Variants in PTPN3 observed in about 807,000 individuals in gnomAD.
PTPN3 encodes the protein tyrosine-protein phosphatase non-receptor type 3.
In PTPN3, 96 loss-of-function variants were observed where a neutral mutation model predicts 132.7. That is an observed-to-expected ratio of 0.72 (90% CI 0.61 to 0.86). PTPN3 has a LOEUF of 0.86. PTPN3 is among the 40% of genes least tolerant of loss of function. PTPN3 has a pLI of 0.00. For missense variants in PTPN3, 1,125 were observed against 1,159.6 expected (o/e 0.97, Z 0.43); for synonymous variants, 398 against 429.0 (o/e 0.93, Z 0.89).
At chr9:109,460,945 C>A (rs141731044) in intron 2 of PTPN3, among the ~76,000 whole-genome samples, 358 of 152,302 alleles carry the variant, frequency 2.4e-3, no homozygotes, top group African/African-American at 8.1e-3. Flanking sequence ...TATATACTAA[C>A]AAACATTCAT....
chr9:109,391,553 G>C lies in PTPN3; in HGVS notation c.1962C>G (p.Tyr654Ter). ...TGATGGCCAAACCTGGCTTTTTTCT[G>C]TAGAGTTGCTATGTGAGAAATAGAG... ...GTVLIQFEQL[Y>*]RKKPGLAITF... The change falls in exon 20 of 26, where the codon TAC (tyrosine) becomes TAG (stop). Residue 654 changes from tyrosine to a stop codon, truncating the protein, a stop_gained. Transcript: ENST00000374541. LOFTEE classifies it high-confidence loss of function. 2 of 1,613,044 alleles carry C rather than the reference G, an allele frequency of 1.2e-6. No homozygotes were observed. Among genetic ancestry groups the C allele is most frequent in the Non-Finnish European group, 1.7e-6 (2 of 1,179,244 alleles).
intron 5 of PTPN3, chr9:109,450,990 T>TG: frequency 1.0e-6 from 1 of 982,522 alleles, no homozygotes; most frequent in East Asian, 1.1e-4. Context: ...AAGATAACTA[T>TG]GTTCCAGGAA....
At chr9:109,489,911 G>A (rs988075768) in intron 1 of PTPN3, among the ~76,000 whole-genome samples, 1 of 152,142 alleles carries the variant, frequency 6.6e-6, no homozygotes, top group South Asian at 2.1e-4. Context: ...GCCGGGTGGG[G>A]TGGCTCATGC....
intron 19 of PTPN3, among the ~76,000 whole-genome samples, chr9:109,403,357 G>T (rs1161621604): frequency 6.6e-6 from 1 of 152,034 alleles, no homozygotes; most frequent in East Asian, 1.9e-4. Context: ...CCTTTATGTG[G>T]TTTTCTAATA....
At chr9:109,380,079 G>T (rs1373858133) in intron 25 of PTPN3, among the ~76,000 whole-genome samples, 2 of 152,158 alleles carry the variant, frequency 1.3e-5, no homozygotes, top group East Asian at 3.8e-4. Context: ...TCTGGATTGT[G>T]TTTTACAAAG....
In PTPN3 at chr9:109,403,996, A is replaced by G. The variant is rs769474173; in HGVS notation, c.1953+452T>C. On this transcript the variant is annotated intron_variant, in intron 19 of 25. Coordinates refer to ENST00000374541, the MANE Select transcript of PTPN3 (RefSeq NM_002829.4). ...CACTAATTGCTCCAAATTCCAGCAC[A>G]TGGCTGGGGGTGGTCAGAGAGCTGG... 3.9e-5 allele frequency among the ~76,000 whole-genome samples: 6 copies of G among 152,182 alleles called. No homozygotes were observed. The South Asian group carries it at 8.3e-4, about 21-fold the overall frequency.
At chr9:109,415,577 G>T (rs1296929460) in intron 14 of PTPN3, among the ~76,000 whole-genome samples, 1 of 152,160 alleles carries the variant, frequency 6.6e-6, no homozygotes, top group Non-Finnish European at 1.5e-5. Context: ...TGGTGTGGAA[G>T]GAGGTGACAC....
At chr9:109,380,842 T>C (rs1839013455) in intron 25 of PTPN3, among the ~76,000 whole-genome samples, 1 of 152,154 alleles carries the variant, frequency 6.6e-6, no homozygotes, top group Admixed American at 6.5e-5. Context: ...TGGGGGTTTT[T>C]ACCAGAGAAG....
the PTPN3 span, among the ~76,000 whole-genome samples, chr9:109,517,457 C>T: frequency 6.6e-5 from 10 of 152,254 alleles, no homozygotes; most frequent in East Asian, 3.9e-4. Context: ...GATCCTCTAA[C>T]GGTACCCACT....
At chr9:109,445,322 C>A in intron 6 of PTPN3, 30 bp from the exon 7 acceptor site, 1 of 1,584,644 alleles carries the variant, frequency 6.3e-7, no homozygotes, top group South Asian at 1.1e-5. Flanking sequence ...TTAGCAAAGT[C>A]ACAAGAACCA....
intron 5 of PTPN3, chr9:109,449,515 G>A: frequency 5.1e-6 from 5 of 985,494 alleles, no homozygotes; most frequent in Non-Finnish European, 6.0e-6. Context: ...TGTTTTGTGG[G>A]CAAGTCGTGG....
At chr9:109,393,244 A>C (rs1840280141) in intron 19 of PTPN3, among the ~76,000 whole-genome samples, 1 of 152,106 alleles carries the variant, frequency 6.6e-6, no homozygotes, top group African/African-American at 2.4e-5. Flanking sequence ...ATGATCTTTA[A>C]TGGTTCAATA....
At chr9:109,507,903 C>T in the PTPN3 span, among the ~76,000 whole-genome samples, 22 of 152,182 alleles carry the variant, frequency 1.4e-4, no homozygotes, top group African/African-American at 4.3e-4. Flanking sequence ...TCTTGGGTGT[C>T]TCTCAGTTGG....
chr9:109,526,899 C>T, the PTPN3 span, among the ~76,000 whole-genome samples: 1 of 152,152 alleles, frequency 6.6e-6, no homozygotes, highest in Non-Finnish European at 1.5e-5. Context: ...AAATATTCTA[C>T]AGCAAGTCAG....
rs182488515 is a variant in PTPN3 at position 109,387,446 on chromosome 9, G to A, written c.2253+1787C>T. ...ACATGATCCTCATGGCAACCCAGGG[G>A]CCCCTAATGTTGCCCAGAGCAGCAA... On this transcript the variant is annotated intron_variant, in intron 22 of 25. Coordinates refer to ENST00000374541, the MANE Select transcript of PTPN3 (RefSeq NM_002829.4). 2.6e-3 allele frequency among the ~76,000 whole-genome samples: 392 copies of A among 152,292 alleles called. 1 individual carries two copies. The highest frequency in any genetic ancestry group is 4.8e-3 in the Non-Finnish European group (327 of 68,030).
At position 109,481,546 on chromosome 9, in the gene PTPN3, A is replaced by T. The variant is rs746570322; in HGVS notation, c.-18+16673T>A. 3.1e-4 allele frequency among the ~76,000 whole-genome samples: 47 copies of T among 151,890 alleles called. 2 individuals carry two copies. The highest frequency in any genetic ancestry group is 3.3e-4 in the Admixed American group (5 of 15,260). On this transcript the variant is annotated intron_variant, in intron 1 of 25. Coordinates refer to ENST00000374541, the MANE Select transcript of PTPN3 (RefSeq NM_002829.4). ...CCTTAGATATGCACCTGGCTCTCTCACTCAGTTTCTTCATGTGCCTGCTTA... is the reference window on the plus strand; with the variant it reads ...CCTTAGATATGCACCTGGCTCTCTCTCTCAGTTTCTTCATGTGCCTGCTTA...
the PTPN3 span, chr9:109,533,821 C>CT: frequency 1.1e-6 from 1 of 887,882 alleles, no homozygotes; most frequent in Non-Finnish European, 1.8e-6. Flanking sequence ...ATCCCTCGTT[C>CT]TTTCCCCCAC....
chr9:109,448,240 C>T (rs1371291533), intron 6 of PTPN3, among the ~76,000 whole-genome samples: 5 of 152,092 alleles, frequency 3.3e-5, no homozygotes, highest in African/African-American at 4.8e-5. Flanking sequence ...GTTGGGGGTG[C>T]GGTGAAGAGA....
intron 1 of PTPN3, among the ~76,000 whole-genome samples, chr9:109,497,516 C>G (rs907873845): frequency 6.6e-6 from 1 of 152,084 alleles, no homozygotes; most frequent in East Asian, 1.9e-4. Context: ...CTTGGAAAAC[C>G]CAGGTGTCAA....
Sources: gnomAD v4.1 joint callset for allele counts (sites outside exome capture counted in the v4.1 genomes callset) on GRCh38, gnomAD v4.1.1 for gene constraint, MANE v1.5 for transcripts, NCBI Gene and HGNC (gene_info 2026-07-23, HGNC 2026-07-21) for gene names.